Variants in SGCZ observed in about 807,000 individuals in gnomAD.
SGCZ encodes zeta-sarcoglycan.
Under a neutral mutation model 41.3 loss-of-function variants are expected in SGCZ, and 40 were observed. The observed-to-expected ratio is 0.97, with a 90% CI of 0.75 to 1.26. The LOEUF (loss-of-function observed/expected upper bound fraction) is 1.26, where lower values mean the gene tolerates loss of function less well. Among genes scored for constraint, SGCZ ranks in the 50% most tolerant of loss-of-function variants. The pLI is 0.00. For missense variants in SGCZ, 552 were observed against 369.8 expected, an observed-to-expected ratio of 1.49 and a Z score of -4.04; for synonymous variants, 206 against 137.5, an observed-to-expected ratio of 1.50 and a Z score of -3.49.
intron 4 of SGCZ, among the ~76,000 whole-genome samples, chr8:14,213,715 T>C (rs766560868): frequency 5.3e-5 from 8 of 152,148 alleles, no homozygotes; most frequent in Admixed American, 1.3e-4. Flanking sequence ...TCAAGTTTGA[T>C]ATAATGCTCC....
intron 4 of SGCZ, among the ~76,000 whole-genome samples, chr8:14,177,958 C>CTTTTCTTTTTTTTTTTT (rs767919994): frequency 2.2e-4 from 21 of 95,040 alleles, no homozygotes; most frequent in South Asian, 3.6e-4. Flanking sequence ...CTTTTTTTTT[C>CTTTTCTTTTTTTTTTTT]TTTTTTTTTT....
chr8:14,395,535 T>G (rs10097762), intron 2 of SGCZ, among the ~76,000 whole-genome samples: 25,613 of 152,092 alleles, frequency 0.17, 5,081 homozygotes, highest in African/African-American at 0.48. Flanking sequence ...ATGGACTAGG[T>G]GAAGGTACGG....
At chr8:14,250,226 C>A (rs1195886346) in intron 3 of SGCZ, among the ~76,000 whole-genome samples, 1 of 152,092 alleles carries the variant, frequency 6.6e-6, no homozygotes, top group East Asian at 1.9e-4. Context: ...TGGAGTGTGG[C>A]CCCAAATCAT....
intron 2 of SGCZ, among the ~76,000 whole-genome samples, chr8:14,489,162 A>G (rs1011243395): frequency 6.6e-6 from 1 of 152,118 alleles, no homozygotes; most frequent in Non-Finnish European, 1.5e-5. Flanking sequence ...TTAAGAATTC[A>G]TTAACAGCGA....
intron 1 of SGCZ, among the ~76,000 whole-genome samples, chr8:14,572,769 A>C (rs1804593643): frequency 7.0e-6 from 1 of 143,228 alleles, no homozygotes; most frequent in South Asian, 2.2e-4. Context: ...CCAAAAATGT[A>C]ACATACTCAA....
chr8:15,048,761 A>AT (rs564162106), intron 1 of SGCZ, among the ~76,000 whole-genome samples: 8 of 152,102 alleles, frequency 5.3e-5, no homozygotes, highest in Non-Finnish European at 1.2e-4. Flanking sequence ...ATCCATATGC[A>AT]TTTTTTATAT....
At chr8:14,976,420 C>G (rs1245307231) in intron 1 of SGCZ, among the ~76,000 whole-genome samples, 1 of 152,108 alleles carries the variant, frequency 6.6e-6, no homozygotes, top group Non-Finnish European at 1.5e-5. Context: ...TACTAATATT[C>G]CCTGTGACCT....
At chr8:14,825,745 C>T (rs775669066) in intron 1 of SGCZ, among the ~76,000 whole-genome samples, 14 of 152,050 alleles carry the variant, frequency 9.2e-5, no homozygotes, top group Non-Finnish European at 1.5e-4. Context: ...ACTGTTCTAC[C>T]GTCTATTCTA....
chr8:14,937,150 TG>T (rs145154722), intron 1 of SGCZ, among the ~76,000 whole-genome samples: 134 of 151,944 alleles, frequency 8.8e-4, no homozygotes, highest in African/African-American at 2.4e-3. Context: ...TTGGCAACAT[TG>T]TTCAACAGAA....
rs548289749 is a variant in SGCZ, at chr8:14,703,007, T to A, written c.40-148081A>T. Among the ~76,000 whole-genome samples, 8 of 152,002 alleles carry A rather than the reference T, an allele frequency of 5.3e-5. No individual in the cohort carries two copies. In the South Asian group the frequency reaches 1.7e-3, roughly 32 times the overall value. On this transcript the variant is annotated intron_variant, in intron 1 of 7. Transcript: ENST00000382080. Reference sequence around the variant, plus strand: ...CAGACAGATAGATTTATTTGAACAATTCTTACCTCCTCCATTACTACCATC... The same window carrying A: ...CAGACAGATAGATTTATTTGAACAAATCTTACCTCCTCCATTACTACCATC...
chr8:14,461,600 A>G (rs565065030), intron 2 of SGCZ, among the ~76,000 whole-genome samples: 38 of 152,108 alleles, frequency 2.5e-4, no homozygotes, highest in Non-Finnish European at 4.7e-4. Flanking sequence ...TTTCAGTACC[A>G]TATTTAAAGG....
At chr8:15,194,094 T>G (rs13269200) in intron 1 of SGCZ, among the ~76,000 whole-genome samples, 55,548 of 151,678 alleles carry the variant, frequency 0.37, 12,467 homozygotes, top group Non-Finnish European at 0.48. Flanking sequence ...TAGAGTTATT[T>G]ATCTTTAAAT....
At chr8:14,381,346 G>A (rs17119205) in intron 2 of SGCZ, among the ~76,000 whole-genome samples, 2,239 of 152,284 alleles carry the variant, frequency 0.015, 58 homozygotes, top group African/African-American at 0.051. Context: ...TCTACAATCA[G>A]AAATTATTCA....
chr8:14,458,064 C>T (rs1172957266), intron 2 of SGCZ, among the ~76,000 whole-genome samples: 1 of 152,106 alleles, frequency 6.6e-6, no homozygotes, highest in East Asian at 1.9e-4. Flanking sequence ...TCTAAACTAC[C>T]CAGTCTCAGG....
intron 2 of SGCZ, among the ~76,000 whole-genome samples, chr8:14,398,868 T>C (rs183610540): frequency 1.8e-4 from 28 of 152,276 alleles, no homozygotes; most frequent in African/African-American, 5.8e-4. Flanking sequence ...GAGTGAGACA[T>C]GGCTGCTGTT....
intron 3 of SGCZ, among the ~76,000 whole-genome samples, chr8:14,245,954 C>T (rs939930643): frequency 6.6e-6 from 1 of 152,140 alleles, no homozygotes; most frequent in Non-Finnish European, 1.5e-5. Flanking sequence ...GCAACAGGTG[C>T]TGGAGAGGAT....
chr8:14,916,458 T>G (rs540159316), intron 1 of SGCZ, among the ~76,000 whole-genome samples: 26 of 152,302 alleles, frequency 1.7e-4, no homozygotes, highest in African/African-American at 6.0e-4. Context: ...GAAATGTAGA[T>G]ATGATAATGT....
chr8:14,803,613 G>T (rs1410697174), intron 1 of SGCZ, among the ~76,000 whole-genome samples: 1 of 152,152 alleles, frequency 6.6e-6, no homozygotes, highest in Non-Finnish European at 1.5e-5. Context: ...TAGCACAGCA[G>T]TCTGAGATCA....
chr8:14,311,408 G>C (rs1379994090), intron 3 of SGCZ, among the ~76,000 whole-genome samples: 1 of 152,046 alleles, frequency 6.6e-6, no homozygotes, highest in Non-Finnish European at 1.5e-5. Flanking sequence ...TATTTTTGGT[G>C]CATGCTACTG....
Sources: allele counts gnomAD v4.1 joint callset (sites outside exome capture counted in the v4.1 genomes callset), GRCh38; gene constraint gnomAD v4.1.1; transcripts MANE v1.5; gene names NCBI Gene and HGNC (gene_info 2026-07-23, HGNC 2026-07-21).